Variants in PLCG2 observed in about 807,000 individuals in gnomAD.
The protein encoded by PLCG2 is 1-phosphatidylinositol 4,5-bisphosphate phosphodiesterase gamma-2.
In PLCG2, 69 loss-of-function variants were observed where a neutral mutation model predicts 175.6. The ratio of observed to expected loss-of-function variants is 0.39; its 90% CI spans 0.32 to 0.48. The LOEUF (loss-of-function observed/expected upper bound fraction) is 0.48. PLCG2 is among the 20% of genes least tolerant of loss of function. The probability of loss-of-function intolerance (pLI) is 0.91; values close to 1 mark genes in which losing one functional copy is unlikely to be tolerated. For synonymous variants in PLCG2, 827 were observed against 624.0 expected (o/e 1.33, Z -4.85); for missense variants, 1,798 against 1,650.9 (o/e 1.09, Z -1.54).
chr16:81,922,015 T>C (rs552922133), intron 21 of PLCG2, among the ~76,000 whole-genome samples: 1 of 152,334 alleles, frequency 6.6e-6, no homozygotes. Context: ...GAAGGATGTT[T>C]TGGCGATGAG....
At chr16:81,853,722 A>G (rs532617915) in intron 2 of PLCG2, among the ~76,000 whole-genome samples, 16 of 152,268 alleles carry the variant, frequency 1.1e-4, no homozygotes, top group African/African-American at 3.6e-4. Context: ...TTTATTGGTT[A>G]AAACAGGTCA....
At chr16:81,937,930 G>C in intron 28 of PLCG2, 27 bp downstream of exon 28, 2 of 1,612,060 alleles carry the variant, frequency 1.2e-6, no homozygotes, top group Non-Finnish European at 1.7e-6. Context: ...CTTCCTGCCA[G>C]GGGAGCCAGC....
intron 29 of PLCG2, 88 bp downstream of exon 29, chr16:81,939,003 G>A (rs1910831159): frequency 2.7e-6 from 2 of 747,936 alleles, no homozygotes; most frequent in East Asian, 2.7e-5. Flanking sequence ...ATTTTGCAAT[G>A]CTCTTTAGTT....
intron 3 of PLCG2, among the ~76,000 whole-genome samples, chr16:81,856,237 C>G (rs368957009): frequency 6.6e-6 from 1 of 152,114 alleles, no homozygotes; most frequent in Admixed American, 6.6e-5. Flanking sequence ...CATGGGTGTA[C>G]GGACTGATAA....
intron 3 of PLCG2, among the ~76,000 whole-genome samples, chr16:81,854,940 G>A (rs1906606495): frequency 6.6e-6 from 1 of 152,006 alleles, no homozygotes; most frequent in Non-Finnish European, 1.5e-5. Context: ...AATGTACGCT[G>A]GGCTCATCCC....
chr16:81,787,761 C>T (rs983492000), intron 2 of PLCG2, among the ~76,000 whole-genome samples: 6 of 152,010 alleles, frequency 3.9e-5, no homozygotes, highest in African/African-American at 9.7e-5. Context: ...CGTAAGCAAC[C>T]GTTAAATTTA....
At chr16:81,934,889 G>A (rs559891067) in intron 26 of PLCG2, among the ~76,000 whole-genome samples, 17 of 152,212 alleles carry the variant, frequency 1.1e-4, no homozygotes, top group African/African-American at 2.4e-4. Context: ...ATCAGATCTC[G>A]CGAGACTTAT....
intron 2 of PLCG2, among the ~76,000 whole-genome samples, chr16:81,836,752 A>G (rs1905538426): frequency 6.6e-6 from 1 of 152,190 alleles, no homozygotes; most frequent in South Asian, 2.1e-4. Context: ...AAACGAGTGC[A>G]AACTTTGGAG....
chr16:81,820,687 C>T (rs996713641), intron 2 of PLCG2, among the ~76,000 whole-genome samples: 1 of 152,084 alleles, frequency 6.6e-6, no homozygotes, highest in Non-Finnish European at 1.5e-5. Context: ...GTGGCGCAAT[C>T]TTGGCCCACT....
chr16:81,871,868 A>G (rs1179464272), intron 7 of PLCG2, among the ~76,000 whole-genome samples: 1 of 152,020 alleles, frequency 6.6e-6, no homozygotes, highest in Non-Finnish European at 1.5e-5. Flanking sequence ...CAATGGAGGA[A>G]TTGCTGGGTA....
chr16:81,886,783 A>G (rs762924819), intron 9 of PLCG2, among the ~76,000 whole-genome samples: 6 of 152,178 alleles, frequency 3.9e-5, no homozygotes, highest in Non-Finnish European at 7.3e-5. Flanking sequence ...GGTGGTGGTA[A>G]GTTCAAGATG....
At chr16:81,931,125 T>C (rs1405720476) in intron 24 of PLCG2, 3 of 158,016 alleles carry the variant, frequency 1.9e-5, no homozygotes, top group African/African-American at 7.2e-5. Flanking sequence ...TCCTGCATCT[T>C]AAGTGTCCCT....
chr16:81,927,008 G>T, intron 22 of PLCG2, 74 bp from the exon 23 acceptor site: 2 of 910,484 alleles, frequency 2.2e-6, no homozygotes, highest in South Asian at 2.7e-5. Context: ...GCCAGCAGCC[G>T]GGTGCAGATG....
intron 30 of PLCG2, among the ~76,000 whole-genome samples, chr16:81,943,542 G>T (rs528054778): frequency 1.3e-5 from 2 of 152,086 alleles, no homozygotes; most frequent in Non-Finnish European, 2.9e-5. Flanking sequence ...ATTTGGGTGG[G>T]GACACAGAGC....
At position 81,892,830 on chromosome 16, in the gene PLCG2, A is replaced by G. The variant is rs892594563; in HGVS notation, c.987-879A>G. On this transcript the variant is annotated intron_variant, in intron 11 of 32. Coordinates refer to ENST00000564138, the MANE Select transcript of PLCG2 (RefSeq NM_002661.5). Reference sequence around the variant, plus strand: ...CTCCTACCACCCTCTGACAGAACCTAGTGTGAGGAACATAAACTTTTTTTT... The same window carrying G: ...CTCCTACCACCCTCTGACAGAACCTGGTGTGAGGAACATAAACTTTTTTTT... 8.8e-5 allele frequency among the ~76,000 whole-genome samples: 13 copies of G among 147,212 alleles called. No individual in the cohort carries two copies. The South Asian group carries it at 2.6e-3, about 30-fold the overall frequency.
chr16:81,883,305 G>A lies in PLCG2; in HGVS notation c.729G>A (p.Leu243=). 6 of 1,614,134 alleles carry A rather than the reference G, an allele frequency of 3.7e-6. No homozygotes were observed. The highest frequency in any genetic ancestry group is 5.1e-6 in the Non-Finnish European group (6 of 1,180,020). ...GGCCGGATGCCTCTGCTGTTTACCT[G>A]CATGACTTCCAGAGGTTTCTCATAC... ...TDRPDASAVY[L]HDFQRFLIHE... Residue 243 remains leucine, a synonymous_variant, in exon 9 of 33, where the codon CTG becomes CTA. Coordinates refer to ENST00000564138, the MANE Select transcript of PLCG2 (RefSeq NM_002661.5).
intron 31 of PLCG2, among the ~76,000 whole-genome samples, chr16:81,948,402 GA>G (rs1911236393): frequency 6.6e-6 from 1 of 151,836 alleles, no homozygotes; most frequent in Non-Finnish European, 1.5e-5. Flanking sequence ...GCACATTTGA[GA>G]AAACTGGCTG....
intron 31 of PLCG2, among the ~76,000 whole-genome samples, chr16:81,951,348 T>C (rs118118936): frequency 6.6e-6 from 1 of 152,196 alleles, no homozygotes; most frequent in African/African-American, 2.4e-5. Flanking sequence ...GAAAGGAGAC[T>C]GAACCCCAAA....
chr16:81,822,626 G>A (rs1017596987), intron 2 of PLCG2, among the ~76,000 whole-genome samples: 1 of 151,922 alleles, frequency 6.6e-6, no homozygotes, highest in Non-Finnish European at 1.5e-5. Context: ...GCATGGTGGC[G>A]TGTACCTGTA....
Sources: allele counts gnomAD v4.1 joint callset (sites outside exome capture counted in the v4.1 genomes callset), GRCh38; gene constraint gnomAD v4.1.1; transcripts MANE v1.5; gene names NCBI Gene and HGNC (gene_info 2026-07-23, HGNC 2026-07-21).